KLHL8: variants seen among roughly 807,000 people sequenced by gnomAD.
KLHL8 encodes kelch-like protein 8.
Under a neutral mutation model 63.5 loss-of-function variants are expected in KLHL8, and 38 were observed. That is an observed-to-expected ratio of 0.60 (90% confidence interval 0.46 to 0.78). The LOEUF is 0.78. KLHL8 is among the 30% of genes least tolerant of loss of function. The probability of loss-of-function intolerance (pLI) is 0.00; values close to 1 mark genes in which losing one functional copy is unlikely to be tolerated. For synonymous variants in KLHL8, 224 were observed against 254.3 expected, an observed-to-expected ratio of 0.88 and a Z score of 1.13; for missense variants, 566 against 752.4, an observed-to-expected ratio of 0.75 and a Z score of 2.90.
rs539368053 is a variant in KLHL8 at position 87,199,353 on chromosome 4, A to C, written c.-151-3663T>G. Among the ~76,000 whole-genome samples, 4 of 152,224 alleles carry C rather than the reference A, an allele frequency of 2.6e-5. No homozygotes were observed. In the South Asian group the frequency reaches 8.3e-4, roughly 32 times the overall value. ...TAACTCAAAATGAATTAAAGACCTAAATGTAGCCCTGAAACCATAAAATGA... is the reference window on the plus strand; with the variant it reads ...TAACTCAAAATGAATTAAAGACCTACATGTAGCCCTGAAACCATAAAATGA... On this transcript the variant is annotated intron_variant, in intron 1 of 9. Transcript: ENST00000273963.
At chr4:87,219,957 C>A (rs1215894614) in intron 1 of KLHL8, 1 of 150,536 alleles carries the variant, frequency 6.6e-6, no homozygotes, top group Non-Finnish European at 1.5e-5. Context: ...CTCCAGGGGG[C>A]GTCCGGCCGC....
At chr4:87,198,418 A>T (rs1217673037) in intron 1 of KLHL8, among the ~76,000 whole-genome samples, 1 of 152,250 alleles carries the variant, frequency 6.6e-6, no homozygotes, top group Non-Finnish European at 1.5e-5. Context: ...AAACTCAACA[A>T]TATCAATAAT....
chr4:87,197,777 G>T (rs1171960074), intron 1 of KLHL8, among the ~76,000 whole-genome samples: 1 of 151,994 alleles, frequency 6.6e-6, no homozygotes, highest in African/African-American at 2.4e-5. Flanking sequence ...CATTCCTGCT[G>T]CAAAATCAAC....
chr4:87,191,085 T>C (rs556721150), intron 2 of KLHL8, among the ~76,000 whole-genome samples: 1 of 152,308 alleles, frequency 6.6e-6, no homozygotes, highest in African/African-American at 2.4e-5. Context: ...CTGCTTTGTA[T>C]TTAAAATGAA....
intron 1 of KLHL8, chr4:87,207,800 AG>A: frequency 1.0e-6 from 1 of 960,640 alleles, no homozygotes. Context: ...ACCACTGCCA[AG>A]GTGTCGGTCA....
chr4:87,207,568 A>C, intron 1 of KLHL8: 1 of 1,152,876 alleles, frequency 8.7e-7, no homozygotes, highest in South Asian at 1.2e-5. Flanking sequence ...GCCCCTGGCC[A>C]ATGTCATCCA....
chr4:87,200,795 T>C (rs539870300), intron 1 of KLHL8, among the ~76,000 whole-genome samples: 1 of 152,108 alleles, frequency 6.6e-6, no homozygotes, highest in Admixed American at 6.5e-5. Flanking sequence ...TAGGTATATA[T>C]CCAAAAGAAG....
chr4:87,164,945 G>C (rs533164077), intron 8 of KLHL8, among the ~76,000 whole-genome samples: 17 of 151,962 alleles, frequency 1.1e-4, no homozygotes, highest in Non-Finnish European at 8.8e-5. Context: ...TCAGGAGATC[G>C]AGACCATCCT....
intron 1 of KLHL8, among the ~76,000 whole-genome samples, chr4:87,210,314 A>T (rs538672946): frequency 6.6e-6 from 1 of 151,620 alleles, no homozygotes; most frequent in Admixed American, 6.6e-5. Flanking sequence ...CGTCTCTACT[A>T]AAAAAAACAC....
At chr4:87,207,487 A>G (rs1173961719) in intron 1 of KLHL8, 89 of 779,172 alleles carry the variant, frequency 1.1e-4, no homozygotes, top group Admixed American at 7.7e-4. Flanking sequence ...AGTGATGGGC[A>G]TGAACCATGA....
chr4:87,180,031 C>A (rs981060454), intron 4 of KLHL8, among the ~76,000 whole-genome samples: 14 of 152,156 alleles, frequency 9.2e-5, no homozygotes, highest in Admixed American at 6.5e-4. Flanking sequence ...ATACTTTGAG[C>A]AGCAAAGGCT....
At chr4:87,206,695 C>G (rs1315857660) in intron 1 of KLHL8, among the ~76,000 whole-genome samples, 1 of 152,212 alleles carries the variant, frequency 6.6e-6, no homozygotes, top group Non-Finnish European at 1.5e-5. Flanking sequence ...AATGTATTTG[C>G]AAATGCTCAA....
At chr4:87,197,147 C>T (rs1161528583) in intron 1 of KLHL8, among the ~76,000 whole-genome samples, 1 of 133,558 alleles carries the variant, frequency 7.5e-6, no homozygotes, top group African/African-American at 2.6e-5. Context: ...TGACAGTGAT[C>T]CTTAATGAGT....
chr4:87,239,797 T>G (rs1314423828), intron 1 of KLHL8, among the ~76,000 whole-genome samples: 1 of 152,176 alleles, frequency 6.6e-6, no homozygotes, highest in Non-Finnish European at 1.5e-5. Flanking sequence ...CAGGTTAGTA[T>G]TATTATTTAC....
chr4:87,176,155 T>C (rs1730809164), intron 6 of KLHL8, among the ~76,000 whole-genome samples: 1 of 152,234 alleles, frequency 6.6e-6, no homozygotes, highest in Non-Finnish European at 1.5e-5. Context: ...ATGTTAACAT[T>C]ATGGGAAGCC....
At chr4:87,194,200 G>A (rs1253282707) in intron 2 of KLHL8, among the ~76,000 whole-genome samples, 1 of 152,174 alleles carries the variant, frequency 6.6e-6, no homozygotes, top group African/African-American at 2.4e-5. Flanking sequence ...GAGAGGACTG[G>A]AGGGAACTAG....
chr4:87,230,384 A>G (rs1733113671), intron 1 of KLHL8, among the ~76,000 whole-genome samples: 2 of 152,152 alleles, frequency 1.3e-5, no homozygotes, highest in Admixed American at 6.5e-5. Context: ...TCTGGCACCA[A>G]TCAAGGTGGA....
At chr4:87,194,343 T>C (rs906721889) in intron 2 of KLHL8, among the ~76,000 whole-genome samples, 4 of 152,170 alleles carry the variant, frequency 2.6e-5, no homozygotes, top group African/African-American at 9.7e-5. Context: ...GCTGGTACCT[T>C]GATTTTAGAC....
At chr4:87,217,839 G>A (rs1732659757) in intron 1 of KLHL8, among the ~76,000 whole-genome samples, 1 of 151,876 alleles carries the variant, frequency 6.6e-6, no homozygotes, top group Non-Finnish European at 1.5e-5. Context: ...TCCAATATAA[G>A]TAACCAAAAA....
Sources: gnomAD v4.1 joint callset for allele counts (sites outside exome capture counted in the v4.1 genomes callset) on GRCh38, gnomAD v4.1.1 for gene constraint, MANE v1.5 for transcripts, NCBI Gene and HGNC (gene_info 2026-07-23, HGNC 2026-07-21) for gene names.